ADAMTS12: variants seen among roughly 807,000 people sequenced by gnomAD.
ADAMTS12 encodes ADAM metallopeptidase with thrombospondin type 1 motif 12, also known as A disintegrin and metalloproteinase with thrombospondin motifs 12.
A neutral mutation model predicts 167.8 loss-of-function variants in ADAMTS12; 118 were observed. That is an observed-to-expected ratio of 0.70 (90% CI 0.61 to 0.82). The LOEUF is 0.82. ADAMTS12 is among the 40% of genes least tolerant of loss of function. The pLI, the probability that ADAMTS12 is intolerant of heterozygous loss-of-function variation, is 0.00. For synonymous variants in ADAMTS12, 704 were observed against 716.9 expected (o/e 0.98, Z 0.29); for missense variants, 1,916 against 1,998.8 (o/e 0.96, Z 0.79).
intron 2 of ADAMTS12, among the ~76,000 whole-genome samples, chr5:33,870,054 G>T (rs981779738): frequency 1.3e-5 from 2 of 152,154 alleles, no homozygotes; most frequent in African/African-American, 2.4e-5. Context: ...GGCAATAAGA[G>T]AAATATGGCT....
At chr5:33,688,414 A>G (rs554879870) in intron 3 of ADAMTS12, among the ~76,000 whole-genome samples, 109 of 92,488 alleles carry the variant, frequency 1.2e-3, no homozygotes, top group African/African-American at 4.4e-3. Flanking sequence ...GCGTTGTCTG[A>G]GGTGCTCAGG....
intron 2 of ADAMTS12, among the ~76,000 whole-genome samples, chr5:33,785,631 A>G (rs1227603007): frequency 6.6e-6 from 1 of 152,208 alleles, no homozygotes; most frequent in Non-Finnish European, 1.5e-5. Flanking sequence ...CTACAAACCC[A>G]TTTAAATAGC....
At chr5:33,727,387 T>C (rs1325095955) in intron 3 of ADAMTS12, among the ~76,000 whole-genome samples, 1 of 152,206 alleles carries the variant, frequency 6.6e-6, no homozygotes, top group Non-Finnish European at 1.5e-5. Context: ...GCCTCTCCGA[T>C]AGGAGGAAGT....
intron 2 of ADAMTS12, among the ~76,000 whole-genome samples, chr5:33,790,726 T>C (rs1378682358): frequency 6.7e-6 from 1 of 148,998 alleles, no homozygotes; most frequent in Admixed American, 6.7e-5. Context: ...GATTCAGGTA[T>C]ACACACAAAC....
At chr5:33,745,657 A>T (rs1479407044) in intron 3 of ADAMTS12, among the ~76,000 whole-genome samples, 1 of 152,158 alleles carries the variant, frequency 6.6e-6, no homozygotes, top group African/African-American at 2.4e-5. Context: ...ACCTGAAGTG[A>T]TGAAGGAACA....
intron 23 of ADAMTS12, among the ~76,000 whole-genome samples, chr5:33,530,669 C>T (rs980635385): frequency 2.0e-5 from 3 of 152,160 alleles, no homozygotes; most frequent in Non-Finnish European, 1.5e-5. Context: ...CTTCTGGCAG[C>T]GCTGACCCAC....
intron 22 of ADAMTS12, among the ~76,000 whole-genome samples, chr5:33,544,791 GA>G (rs1375509911): frequency 6.6e-6 from 1 of 152,178 alleles, no homozygotes; most frequent in Non-Finnish European, 1.5e-5. Context: ...AATGGTGCTG[GA>G]AAAACTGGCT....
chr5:33,741,021 G>A (rs1168248444), intron 3 of ADAMTS12, among the ~76,000 whole-genome samples: 6 of 152,242 alleles, frequency 3.9e-5, no homozygotes, highest in African/African-American at 1.4e-4. Context: ...TCTTTCTAGT[G>A]TAAGGCCTTG....
At chr5:33,883,344 T>G (rs1195147145) in intron 1 of ADAMTS12, among the ~76,000 whole-genome samples, 4 of 142,756 alleles carry the variant, frequency 2.8e-5, no homozygotes, top group East Asian at 2.2e-4. Context: ...TTTTTTTTGT[T>G]TTTTTTTTTT....
rs1472621693 is a variant in ADAMTS12, at chr5:33,525,552, A to G, written c.*1636T>C. On this transcript the variant is annotated 3_prime_UTR_variant, in exon 24 of 24. Transcript: ENST00000504830. The stretch of plus-strand genomic sequence containing the variant: ...ACAGAAGATGTATATGGAGAGTTTC[A>G]CATACACTTACCCATTTGTATGCCT... The G allele has an allele frequency of 3.5e-4, 54 of 152,224 alleles. No homozygotes were observed. Among genetic ancestry groups the G allele is most frequent in the Admixed American group, 3.5e-3 (54 of 15,284 alleles). The allele number at this position is 152,224 out of a possible 1,614,324, so 9.4% of individuals were successfully genotyped here.
intron 2 of ADAMTS12, among the ~76,000 whole-genome samples, chr5:33,793,769 C>A (rs1746665872): frequency 6.6e-6 from 1 of 152,152 alleles, no homozygotes; most frequent in Non-Finnish European, 1.5e-5. Flanking sequence ...CCACCGTGCC[C>A]CCACCAACAA....
chr5:33,750,943 C>T (rs1298244361), intron 3 of ADAMTS12, among the ~76,000 whole-genome samples: 1 of 152,120 alleles, frequency 6.6e-6, no homozygotes, highest in Non-Finnish European at 1.5e-5. Context: ...ACATTATTAT[C>T]GGCATCATCA....
intron 3 of ADAMTS12, among the ~76,000 whole-genome samples, chr5:33,699,799 G>T (rs1742936246): frequency 6.6e-6 from 1 of 152,072 alleles, no homozygotes. Flanking sequence ...GGGAGAAAAT[G>T]TTTTCAAACT....
At chr5:33,825,549 C>CAA (rs1748033764) in intron 2 of ADAMTS12, among the ~76,000 whole-genome samples, 1 of 152,130 alleles carries the variant, frequency 6.6e-6, no homozygotes, top group Admixed American at 6.5e-5. Context: ...TACACAAACC[C>CAA]AAAAGGAACT....
chr5:33,765,243 C>T (rs954405866), intron 2 of ADAMTS12, among the ~76,000 whole-genome samples: 7 of 152,116 alleles, frequency 4.6e-5, no homozygotes, highest in African/African-American at 1.7e-4. Flanking sequence ...GCAATTTAGC[C>T]CTAAATACTT....
chr5:33,713,118 G>A (rs78281528), intron 3 of ADAMTS12, among the ~76,000 whole-genome samples: 5,782 of 151,958 alleles, frequency 0.038, 363 homozygotes, highest in African/African-American at 0.13. Context: ...AGAAGAAGAC[G>A]TTTCCCAATC....
At position 33,648,861 on chromosome 5, in the gene ADAMTS12, T is replaced by C; in HGVS notation, c.1440A>G (p.Leu480=). The change falls in exon 9 of 24, where the codon CTA becomes CTG. Residue 480 remains leucine, a synonymous_variant. Transcript: ENST00000504830. The part of the protein sequence containing the change: ...VIYDVHHQCQ[L]QYGPNATFCQ... ...AGAAGGTAGCATTGGGTCCATATTG[T>C]AGCTGGCACTGGTGGTGAACATCAT... 2 of 1,614,076 alleles carry C rather than the reference T, an allele frequency of 1.2e-6. No individual in the cohort carries two copies. The highest frequency in any genetic ancestry group is 1.1e-5 in the South Asian group (1 of 91,066).
At chr5:33,833,446 T>C (rs1297924203) in intron 2 of ADAMTS12, among the ~76,000 whole-genome samples, 1 of 151,840 alleles carries the variant, frequency 6.6e-6, no homozygotes, top group Admixed American at 6.5e-5. Context: ...CAGCTCTCTT[T>C]TCTTTTCAGA....
intron 5 of ADAMTS12, among the ~76,000 whole-genome samples, chr5:33,666,756 G>T (rs1741486021): frequency 6.6e-6 from 1 of 152,116 alleles, no homozygotes. Flanking sequence ...CTCCCAAAGT[G>T]CTGGGATTAC....
Sources: gnomAD v4.1 joint callset for allele counts (sites outside exome capture counted in the v4.1 genomes callset) on GRCh38, gnomAD v4.1.1 for gene constraint, MANE v1.5 for transcripts, NCBI Gene and HGNC (gene_info 2026-07-23, HGNC 2026-07-21) for gene names.